Variants in TACR1 observed in about 807,000 individuals in gnomAD.
The protein encoded by TACR1 is substance-P receptor.
In TACR1, 25 loss-of-function variants were observed where a neutral mutation model predicts 35.8. That is an observed-to-expected ratio of 0.70 (90% CI 0.51 to 0.98). The LOEUF (loss-of-function observed/expected upper bound fraction) is 0.98, where lower values mean the gene tolerates loss of function less well. Ranked by LOEUF, TACR1 falls within the 50% of genes least tolerant of loss-of-function variation. The probability of loss-of-function intolerance (pLI) is 0.00; values close to 1 mark genes in which losing one functional copy is unlikely to be tolerated. For missense variants in TACR1, 478 were observed against 522.9 expected, an observed-to-expected ratio of 0.91 and a Z score of 0.84; for synonymous variants, 195 against 206.7, an observed-to-expected ratio of 0.94 and a Z score of 0.48.
At chr2:75,076,222 C>T (rs551453931) in intron 2 of TACR1, among the ~76,000 whole-genome samples, 1 of 152,192 alleles carries the variant, frequency 6.6e-6, no homozygotes, top group African/African-American at 2.4e-5. Context: ...CAGTCAGTGC[C>T]TGGAAAAAGC....
chr2:75,176,032 A>AG (rs1291681250), intron 1 of TACR1, among the ~76,000 whole-genome samples: 1 of 145,160 alleles, frequency 6.9e-6, no homozygotes, highest in Non-Finnish European at 1.5e-5. Context: ...AAAAAAAAAA[A>AG]GGAAACAGAA....
chr2:75,122,970 A>T (rs752683527), intron 1 of TACR1, among the ~76,000 whole-genome samples: 3 of 151,904 alleles, frequency 2.0e-5, no homozygotes, highest in African/African-American at 7.2e-5. Context: ...GGAGCCCTGT[A>T]TCCTCTTCAA....
intron 2 of TACR1, among the ~76,000 whole-genome samples, chr2:75,055,721 G>A (rs1672555690): frequency 6.6e-6 from 1 of 152,134 alleles, no homozygotes; most frequent in Admixed American, 6.6e-5. Flanking sequence ...TGGTCAACTC[G>A]CCGATACTCC....
chr2:75,195,054 TGAG>T (rs911225499), intron 1 of TACR1, among the ~76,000 whole-genome samples: 11 of 152,168 alleles, frequency 7.2e-5, no homozygotes, highest in African/African-American at 2.7e-4. Flanking sequence ...ACGGGGCTGT[TGAG>T]GGGGGAGTCA....
At chr2:75,173,957 A>G (rs77752293) in intron 1 of TACR1, among the ~76,000 whole-genome samples, 2,156 of 152,304 alleles carry the variant, frequency 0.014, 61 homozygotes, top group African/African-American at 0.048. Context: ...GCTAAACACC[A>G]GTCTCCCTGG....
intron 1 of TACR1, among the ~76,000 whole-genome samples, chr2:75,183,579 GT>G (rs1290624999): frequency 1.3e-5 from 2 of 152,146 alleles, no homozygotes; most frequent in Non-Finnish European, 1.5e-5. Flanking sequence ...GGGAAACCGT[GT>G]ACTACGGCAG....
At chr2:75,125,797 A>C (rs1674060200) in intron 1 of TACR1, among the ~76,000 whole-genome samples, 2 of 152,214 alleles carry the variant, frequency 1.3e-5, no homozygotes, top group Non-Finnish European at 2.9e-5. Flanking sequence ...CCTCACTGGA[A>C]TTGGCTCTTC....
intron 1 of TACR1, among the ~76,000 whole-genome samples, chr2:75,179,993 A>T (rs921840440): frequency 1.3e-5 from 2 of 152,024 alleles, no homozygotes; most frequent in Non-Finnish European, 2.9e-5. Context: ...ACTCACTCCA[A>T]TCCTGACTCA....
At chr2:75,195,880 C>A (rs1009906597) in intron 1 of TACR1, among the ~76,000 whole-genome samples, 1 of 152,076 alleles carries the variant, frequency 6.6e-6, no homozygotes, top group Non-Finnish European at 1.5e-5. Flanking sequence ...TTATTAAAGT[C>A]TTTCATTAAT....
At chr2:75,168,542 A>G (rs1376675485) in intron 1 of TACR1, among the ~76,000 whole-genome samples, 3 of 152,220 alleles carry the variant, frequency 2.0e-5, no homozygotes, top group Admixed American at 2.0e-4. Context: ...TAGAAGCTAG[A>G]AAAAGCAAGG....
chr2:75,124,773 T>G (rs1446518237), intron 1 of TACR1, among the ~76,000 whole-genome samples: 1 of 152,242 alleles, frequency 6.6e-6, no homozygotes, highest in Non-Finnish European at 1.5e-5. Flanking sequence ...CCCTGGCCCA[T>G]AGCTTGCTGT....
At chr2:75,101,401 AG>A (rs1673531148) in intron 2 of TACR1, among the ~76,000 whole-genome samples, 1 of 152,158 alleles carries the variant, frequency 6.6e-6, no homozygotes, top group Admixed American at 6.5e-5. Context: ...CACTGTGCTA[AG>A]GGTTTTATAT....
At chr2:75,079,634 T>C (rs553778033) in intron 2 of TACR1, among the ~76,000 whole-genome samples, 2 of 152,334 alleles carry the variant, frequency 1.3e-5, no homozygotes, top group African/African-American at 4.8e-5. Flanking sequence ...TTGTTCCATA[T>C]TTATTCTTTC....
chr2:75,165,756 A>G (rs547219515), intron 1 of TACR1, among the ~76,000 whole-genome samples: 2 of 152,268 alleles, frequency 1.3e-5, no homozygotes, highest in African/African-American at 4.8e-5. Flanking sequence ...CTTTAGCTTC[A>G]GGTCCCTGCT....
intron 2 of TACR1, among the ~76,000 whole-genome samples, chr2:75,104,921 T>C (rs1214988167): frequency 1.3e-5 from 2 of 151,996 alleles, no homozygotes; most frequent in African/African-American, 4.8e-5. Context: ...AAGGGAATAC[T>C]TGTGCATGGT....
chr2:75,114,686 G>A (rs986807641), intron 2 of TACR1, among the ~76,000 whole-genome samples: 1 of 152,118 alleles, frequency 6.6e-6, no homozygotes, highest in African/African-American at 2.4e-5. Context: ...TCTTCAATGG[G>A]AAGAGTCACC....
chr2:75,153,703 C>T (rs759966028), intron 1 of TACR1, among the ~76,000 whole-genome samples: 8 of 152,184 alleles, frequency 5.3e-5, no homozygotes, highest in Non-Finnish European at 1.2e-4. Context: ...TTCCCTGTTT[C>T]CTTCCATGTG....
chr2:75,182,364 G>A (rs1172961568), intron 1 of TACR1, among the ~76,000 whole-genome samples: 1 of 152,086 alleles, frequency 6.6e-6, no homozygotes, highest in Non-Finnish European at 1.5e-5. Context: ...ACTGTAAATG[G>A]CTTGTATGTG....
intron 2 of TACR1, among the ~76,000 whole-genome samples, chr2:75,087,012 C>T (rs1472526901): frequency 6.6e-6 from 1 of 152,164 alleles, no homozygotes; most frequent in Non-Finnish European, 1.5e-5. Context: ...TGAAATGTGG[C>T]TGGTCCAATT....
Sources: allele counts gnomAD v4.1 joint callset (sites outside exome capture counted in the v4.1 genomes callset), GRCh38; gene constraint gnomAD v4.1.1; transcripts MANE v1.5; gene names NCBI Gene and HGNC (gene_info 2026-07-23, HGNC 2026-07-21).